YARS1: variants seen among roughly 807,000 people sequenced by gnomAD.
YARS1 encodes tyrosyl-tRNA synthetase 1.
YARS1 carries 36 observed loss-of-function variants against 62.2 expected under a neutral mutation model. The ratio of observed to expected loss-of-function variants is 0.58; its 90% CI spans 0.44 to 0.76. The LOEUF (loss-of-function observed/expected upper bound fraction) is 0.76. YARS1 is among the 30% of genes least tolerant of loss of function. The pLI is 0.00. For synonymous variants in YARS1, 234 were observed against 244.9 expected, an observed-to-expected ratio of 0.96 and a Z score of 0.42; for missense variants, 524 against 639.8, an observed-to-expected ratio of 0.82 and a Z score of 1.95.
At chr1:32,803,076 G>A (rs1176176075) in intron 4 of YARS1, among the ~76,000 whole-genome samples, 5 of 149,742 alleles carry the variant, frequency 3.3e-5, no homozygotes, top group African/African-American at 7.4e-5. Flanking sequence ...TCCACCTCCC[G>A]GGTTCAAGCG....
intron 12 of YARS1, 58 bp downstream of exon 12, chr1:32,779,324 G>T: frequency 1.2e-6 from 2 of 1,613,826 alleles, no homozygotes; most frequent in South Asian, 2.2e-5. Flanking sequence ...TAACAGGACA[G>T]TCTGGGGACA....
chr1:32,809,967 G>A (rs944472443), intron 3 of YARS1, among the ~76,000 whole-genome samples: 1 of 152,088 alleles, frequency 6.6e-6, no homozygotes, highest in Non-Finnish European at 1.5e-5. Flanking sequence ...TTAGCCGGGT[G>A]TGGTGGCGCA....
chr1:32,806,382 C>A, intron 4 of YARS1, 100 bp downstream of exon 4: 2 of 1,591,094 alleles, frequency 1.3e-6, no homozygotes, highest in Admixed American at 3.3e-5. Flanking sequence ...GTAAAAAACA[C>A]AATATCTGCG....
At chr1:32,808,103 C>T (rs1250957132) in intron 3 of YARS1, among the ~76,000 whole-genome samples, 3 of 152,036 alleles carry the variant, frequency 2.0e-5, no homozygotes, top group Admixed American at 6.6e-5. Context: ...GATGAGGTCT[C>T]GCTACGCCCA....
At chr1:32,788,017 G>A (rs1291960172) in intron 6 of YARS1, among the ~76,000 whole-genome samples, 1 of 152,176 alleles carries the variant, frequency 6.6e-6, no homozygotes, top group Non-Finnish European at 1.5e-5. Flanking sequence ...GGCTGAGGCA[G>A]GAGGATCACT....
Position 32,778,360 on chromosome 1 carries a change from C to T in YARS1, c.1476+1022G>A, listed in dbSNP as rs764385773. Among the ~76,000 whole-genome samples, 34 of 152,050 alleles carry T rather than the reference C, an allele frequency of 2.2e-4. 2 individuals are homozygous for T. Among genetic ancestry groups the T allele is most frequent in the Non-Finnish European group, 7.4e-5 (5 of 68,004 alleles). On this transcript the variant is annotated intron_variant, in intron 12 of 12. Transcript: ENST00000373477. The stretch of plus-strand genomic sequence containing the variant: ...ATGAGTGCTCTAAACTCAAGATGGG[C>T]AGGAGGGACCCTGGGAAGGTTTTGA...
At chr1:32,795,002 CAAAAA>C (rs71278770) in intron 5 of YARS1, among the ~76,000 whole-genome samples, 2 of 22,868 alleles carry the variant, frequency 8.7e-5, no homozygotes, top group Middle Eastern at 0.029. Context: ...GACTCTGTCT[CAAAAA>C]AAAAAAAAAA....
chr1:32,779,544 A>G (rs2148599520), intron 11 of YARS1, 21 bp from the exon 12 acceptor site: 3 of 1,614,138 alleles, frequency 1.9e-6, no homozygotes, highest in Non-Finnish European at 2.5e-6. Flanking sequence ...ACAGGACAAG[A>G]GAAGAGTGAG....
At chr1:32,816,740 G>A (rs1388853322) in intron 1 of YARS1, 1 of 175,618 alleles carries the variant, frequency 5.7e-6, no homozygotes, top group Admixed American at 5.7e-5. Context: ...CAGTTTGGAG[G>A]TCACTTCCTC....
intron 1 of YARS1, 87 bp from the exon 2 acceptor site, chr1:32,811,144 G>A: frequency 6.3e-7 from 1 of 1,592,470 alleles, no homozygotes; most frequent in Middle Eastern, 2.2e-4. Flanking sequence ...AACAGCATGT[G>A]TCAGTGGAGA....
intron 11 of YARS1, 59 bp from the exon 12 acceptor site, chr1:32,779,582 A>C (rs1652988731): frequency 6.2e-7 from 1 of 1,612,424 alleles, no homozygotes; most frequent in African/African-American, 1.3e-5. Context: ...GTGACTGTGG[A>C]GGCCAAAGCA....
At chr1:32,807,968 G>A (rs190480580) in intron 3 of YARS1, among the ~76,000 whole-genome samples, 80 of 152,074 alleles carry the variant, frequency 5.3e-4, no homozygotes, top group African/African-American at 1.9e-3. Flanking sequence ...GCAGTATAAT[G>A]GCACAATCAT....
intron 1 of YARS1, among the ~76,000 whole-genome samples, chr1:32,812,092 G>C (rs1476901441): frequency 6.6e-6 from 1 of 152,132 alleles, no homozygotes; most frequent in Admixed American, 6.5e-5. Context: ...TGCAAACACA[G>C]CTCACTGCAG....
chr1:32,813,813 G>A (rs1638636886), intron 1 of YARS1, among the ~76,000 whole-genome samples: 1 of 152,072 alleles, frequency 6.6e-6, no homozygotes, highest in South Asian at 2.1e-4. Context: ...AGACCTTCAC[G>A]TTGCTAAATT....
chr1:32,781,651 A>C (rs1653061272), intron 9 of YARS1: 2 of 173,650 alleles, frequency 1.2e-5, no homozygotes, highest in South Asian at 2.7e-4. Context: ...ATTACGCACA[A>C]GTGGATGGCC....
intron 1 of YARS1, 126 bp from the exon 2 acceptor site, chr1:32,811,183 A>G: frequency 7.0e-7 from 1 of 1,418,890 alleles, no homozygotes; most frequent in Admixed American, 1.7e-5. Flanking sequence ...AAGGAGGTCC[A>G]GCCATGTTCT....
At chr1:32,789,371 T>C (rs1296858865) in intron 6 of YARS1, among the ~76,000 whole-genome samples, 3 of 152,244 alleles carry the variant, frequency 2.0e-5, no homozygotes, top group African/African-American at 7.2e-5. Context: ...AGGATACTTG[T>C]TCACAGCAAT....
At chr1:32,790,913 G>A in intron 6 of YARS1, 2 of 488,438 alleles carry the variant, frequency 4.1e-6, no homozygotes, top group Non-Finnish European at 7.5e-6. Context: ...ACAGTCGTAT[G>A]AACAAAGACA....
intron 12 of YARS1, among the ~76,000 whole-genome samples, chr1:32,779,139 A>C (rs192899405): frequency 7.9e-5 from 12 of 152,280 alleles, no homozygotes; most frequent in Middle Eastern, 3.4e-3. Flanking sequence ...TCAAATGAAG[A>C]AATGTCTGAA....
Sources: allele counts gnomAD v4.1 joint callset (sites outside exome capture counted in the v4.1 genomes callset), GRCh38; gene constraint gnomAD v4.1.1; transcripts MANE v1.5; gene names NCBI Gene and HGNC (gene_info 2026-07-23, HGNC 2026-07-21).